Variants in TOX2 observed in about 807,000 individuals in gnomAD.
TOX2 encodes TOX high mobility group box family member 2.
TOX2 carries 15 observed loss-of-function variants against 47.4 expected under a neutral mutation model. The ratio of observed to expected loss-of-function variants is 0.32; its 90% CI spans 0.21 to 0.49. The LOEUF is 0.49. Among genes scored for constraint, TOX2 ranks in the 20% least tolerant of loss-of-function variants. The pLI is 0.99. For missense variants in TOX2, 622 were observed against 673.1 expected (o/e 0.92, Z 0.84); for synonymous variants, 290 against 296.6 (o/e 0.98, Z 0.23).
intron 1 of TOX2, among the ~76,000 whole-genome samples, chr20:43,942,946 C>G (rs529963273): frequency 3.9e-5 from 6 of 152,274 alleles, no homozygotes; most frequent in African/African-American, 1.4e-4. Flanking sequence ...TGTCTCCACA[C>G]CAGAAGGAGC....
intron 2 of TOX2, among the ~76,000 whole-genome samples, chr20:43,975,588 C>T (rs1006089601): frequency 1.3e-5 from 2 of 152,192 alleles, no homozygotes; most frequent in African/African-American, 4.8e-5. Context: ...TGTCCACTGA[C>T]TTGCCTCAGC....
Position 43,940,823 on chromosome 20 carries a change from C to T in TOX2, c.99+25833C>T, listed in dbSNP as rs573374774. Among the ~76,000 whole-genome samples the T allele has an allele frequency of 3.9e-5, 6 of 152,294 alleles. No homozygotes were observed. In the East Asian group the frequency reaches 5.8e-4, roughly 15 times the overall value. On this transcript the variant is annotated intron_variant, in intron 1 of 8. Transcript: ENST00000341197. ...ACCAGGGCACCTTAGAAGCGCAAAG[C>T]GGCTTTAGTCACTTCCCTTGCGTGA...
At chr20:43,949,628 T>C (rs2145378978) in intron 1 of TOX2, among the ~76,000 whole-genome samples, 1 of 152,378 alleles carries the variant, frequency 6.6e-6, no homozygotes, top group African/African-American at 2.4e-5. Flanking sequence ...ATTGTGCCTC[T>C]TAATTTTACT....
At chr20:43,948,664 C>A (rs1450755595) in intron 1 of TOX2, among the ~76,000 whole-genome samples, 1 of 152,196 alleles carries the variant, frequency 6.6e-6, no homozygotes, top group Non-Finnish European at 1.5e-5. Context: ...CTGGGAGGCC[C>A]AGGGCTGCCC....
At chr20:43,984,655 T>C (rs1600708327) in intron 2 of TOX2, among the ~76,000 whole-genome samples, 1 of 152,238 alleles carries the variant, frequency 6.6e-6, no homozygotes, top group African/African-American at 2.4e-5. Context: ...GGGAGGACTT[T>C]GGTCTGCATT....
intron 2 of TOX2, among the ~76,000 whole-genome samples, chr20:43,995,258 C>A (rs2070451873): frequency 6.6e-6 from 1 of 152,066 alleles, no homozygotes; most frequent in African/African-American, 2.4e-5. Context: ...TTAAACATGT[C>A]TGGGGTGGGT....
chr20:43,915,880 C>T lies in TOX2; in HGVS notation c.99+890C>T, dbSNP rs879446805. On this transcript the variant is annotated intron_variant, in intron 1 of 8. Coordinates refer to ENST00000341197, the MANE Select transcript of TOX2 (RefSeq NM_001098797.2). The surrounding 1 kb of genome is among the most constrained non-coding windows in gnomAD (Gnocchi z 7.1). ...TCTATCCCCCCACCCCAGCCAGGTC[C>T]CAGCTGCGCTGCGCCGGGCGCATTC... Among the ~76,000 whole-genome samples the T allele has an allele frequency of 1.3e-5, 2 of 152,260 alleles. No individual in the cohort carries two copies. Among genetic ancestry groups the T allele is most frequent in the African/African-American group, 2.4e-5 (1 of 41,472 alleles).
intron 1 of TOX2, among the ~76,000 whole-genome samples, chr20:43,949,317 A>T (rs2145377629): frequency 6.6e-6 from 1 of 152,260 alleles, no homozygotes; most frequent in African/African-American, 2.4e-5. Context: ...TGTCACCGGG[A>T]TGACCGCAGG....
In TOX2 at chr20:44,046,018, C is replaced by T. The variant is rs578046990; in HGVS notation, c.412-5288C>T. ...ATACATTTTAAAACCTTCTATAAAA[C>T]AGTTCACTTTAAATCTGTCTCTCAG... On this transcript the variant is annotated intron_variant, in intron 3 of 8. Coordinates refer to ENST00000341197, the MANE Select transcript of TOX2 (RefSeq NM_001098797.2). Among the ~76,000 whole-genome samples, 211 of 152,306 alleles carry T rather than the reference C, an allele frequency of 1.4e-3. 1 individual carries two copies. The highest frequency in any genetic ancestry group is 0.012 in the Admixed American group (187 of 15,308).
chr20:43,960,648 G>A (rs1317318041), intron 1 of TOX2, among the ~76,000 whole-genome samples: 1 of 152,244 alleles, frequency 6.6e-6, no homozygotes, highest in African/African-American at 2.4e-5. Context: ...ACAACAGGTA[G>A]CTATCCAGAC....
intron 1 of TOX2, among the ~76,000 whole-genome samples, chr20:43,925,460 G>A (rs557102003): frequency 3.7e-4 from 56 of 152,278 alleles, no homozygotes; most frequent in African/African-American, 1.0e-3. Flanking sequence ...CCCCCAGGGC[G>A]CTGGTGCACT....
At position 44,039,105 on chromosome 20, in the gene TOX2, G is replaced by A. The variant is rs1328641257; in HGVS notation, c.412-12201G>A. On this transcript the variant is annotated intron_variant, in intron 3 of 8. Coordinates refer to ENST00000341197, the MANE Select transcript of TOX2 (RefSeq NM_001098797.2). Reference sequence around the variant, plus strand: ...CTCTGCCTGGTGCTGGGAGGCAGGTGTCTCTGCACTTGAGCAGATGCCGGG... The same window carrying A: ...CTCTGCCTGGTGCTGGGAGGCAGGTATCTCTGCACTTGAGCAGATGCCGGG... The A allele has an allele frequency of 5.5e-6, 7 of 1,274,544 alleles. No homozygotes were observed. In the African/African-American group the frequency reaches 7.6e-5, roughly 14 times the overall value. The allele number at this position is 1,274,544 out of a possible 1,614,324, so 79.0% of individuals were successfully genotyped here. A position where few individuals can be genotyped will look rare whatever the true frequency, so the allele number is the denominator to read the frequency against.
intron 1 of TOX2, among the ~76,000 whole-genome samples, chr20:43,930,654 A>C (rs2069240608): frequency 6.6e-6 from 1 of 152,180 alleles, no homozygotes; most frequent in Admixed American, 6.5e-5. Context: ...CTTCGGAGAT[A>C]ATAAAATCTC....
At chr20:44,023,431 G>GAAAAAAAAAA (rs35627597) in intron 3 of TOX2, among the ~76,000 whole-genome samples, 6 of 119,144 alleles carry the variant, frequency 5.0e-5, no homozygotes, top group African/African-American at 2.0e-4. Flanking sequence ...CTTTATCTCA[G>GAAAAAAAAAA]AAAAAAAAAA....
At chr20:44,062,312 C>A (rs6103591) in intron 5 of TOX2, among the ~76,000 whole-genome samples, 21,675 of 151,656 alleles carry the variant, frequency 0.14, 1,942 homozygotes, top group African/African-American at 0.26. Context: ...ATCTGCTATA[C>A]ACCAACAGTG....
chr20:43,998,260 C>G (rs6073276), intron 2 of TOX2, among the ~76,000 whole-genome samples: 27 of 152,318 alleles, frequency 1.8e-4, no homozygotes, highest in Middle Eastern at 3.4e-3. Context: ...AGGCCCCTGC[C>G]TGAACTCTGA....
intron 1 of TOX2, among the ~76,000 whole-genome samples, chr20:43,965,987 G>T (rs2069845206): frequency 6.6e-6 from 1 of 152,118 alleles, no homozygotes; most frequent in Non-Finnish European, 1.5e-5. Context: ...GCTGATAAGG[G>T]GATAGGAGTT....
intron 5 of TOX2, among the ~76,000 whole-genome samples, chr20:44,054,876 C>T (rs2071591252): frequency 6.6e-6 from 1 of 152,228 alleles, no homozygotes; most frequent in Non-Finnish European, 1.5e-5. Flanking sequence ...ATCCCACTGA[C>T]CATGTGCCTG....
At chr20:43,932,783 C>CCCCCCCCCCCCCCCCCCCCCCG in intron 1 of TOX2, among the ~76,000 whole-genome samples, 1 of 148,974 alleles carries the variant, frequency 6.7e-6, no homozygotes, top group East Asian at 2.1e-4. Flanking sequence ...TGCCCCCCCC[C>CCCCCCCCCCCCCCCCCCCCCCG]GCCATTTCTG....
Sources: allele counts gnomAD v4.1 joint callset (sites outside exome capture counted in the v4.1 genomes callset), GRCh38; gene constraint gnomAD v4.1.1; non-coding constraint Gnocchi (gnomAD v3.1); transcripts MANE v1.5; gene names NCBI Gene and HGNC (gene_info 2026-07-23, HGNC 2026-07-21).